The following DYNC1I2 variants were observed in gnomAD, a reference collection of about 807,000 sequenced individuals.
DYNC1I2 encodes the protein cytoplasmic dynein 1 intermediate chain 2.
DYNC1I2 carries 53 observed loss-of-function variants against 88.6 expected under a neutral mutation model. That is an observed-to-expected ratio of 0.60 (90% CI 0.48 to 0.75). The LOEUF (loss-of-function observed/expected upper bound fraction) is 0.75. Among genes scored for constraint, DYNC1I2 ranks in the 30% least tolerant of loss-of-function variants. The pLI, the probability that DYNC1I2 is intolerant of heterozygous loss-of-function variation, is 0.00. For missense variants in DYNC1I2, 458 were observed against 766.6 expected, an observed-to-expected ratio of 0.60 and a Z score of 4.75; for synonymous variants, 198 against 254.6, an observed-to-expected ratio of 0.78 and a Z score of 2.12.
At chr2:171,696,605 T>A (rs577995109) in intron 3 of DYNC1I2, among the ~76,000 whole-genome samples, 1 of 152,352 alleles carries the variant, frequency 6.6e-6, no homozygotes, top group African/African-American at 2.4e-5. Flanking sequence ...GTTATATTTT[T>A]AAAAATAGTA....
chr2:171,703,914 C>A (rs1328697326), intron 3 of DYNC1I2, among the ~76,000 whole-genome samples: 2 of 152,180 alleles, frequency 1.3e-5, no homozygotes, highest in African/African-American at 4.8e-5. Flanking sequence ...TCACTCCTTC[C>A]ATTTCACAGT....
At chr2:171,713,151 A>G (rs980673379) in intron 6 of DYNC1I2, among the ~76,000 whole-genome samples, 12 of 152,122 alleles carry the variant, frequency 7.9e-5, no homozygotes, top group African/African-American at 2.9e-4. Flanking sequence ...GGGTTACTTG[A>G]TATGAATATT....
At chr2:171,742,105 A>T (rs951434643) in intron 15 of DYNC1I2, among the ~76,000 whole-genome samples, 2 of 151,106 alleles carry the variant, frequency 1.3e-5, no homozygotes, top group Admixed American at 1.3e-4. Context: ...TTTACTTTCC[A>T]TTTAGATCTG....
At position 171,735,756 on chromosome 2, in the gene DYNC1I2, TC is replaced by T. The variant is rs762390707; in HGVS notation, c.1536+5904del. Among the ~76,000 whole-genome samples the T allele has an allele frequency of 3.9e-5, 6 of 152,186 alleles. No individual in the cohort carries two copies. The East Asian group carries it at 9.6e-4, about 24-fold the overall frequency. On this transcript the variant is annotated intron_variant, in intron 15 of 17. Coordinates refer to ENST00000397119, the MANE Select transcript of DYNC1I2 (RefSeq NM_001378.3). The stretch of plus-strand genomic sequence containing the variant: ...AAAGCTTCTGCAGGGTAACAAGGAT[TC>T]TAGAAGAGTTTGATTATGGGTAGAC...
chr2:171,726,803 C>A lies in DYNC1I2; in HGVS notation c.883C>A (p.Leu295Ile), dbSNP rs1382383216. ...LDWSSQYPEL[L>I]VASYNNNEDA... ...TTCTTCTGAGCAGTATCCGGAGTTA[C>A]TCGTGGCTTCCTATAACAACAATGA... Residue 295 changes from leucine to isoleucine, a missense_variant, in exon 11 of 18, where the codon CTC (leucine) becomes ATC (isoleucine). Physicochemically the swap from Leu to Ile is conservative, Grantham distance 5. Transcript: ENST00000397119. 6.2e-7 allele frequency: 1 copy of A among 1,613,016 alleles called. No homozygotes were observed.
intron 5 of DYNC1I2, 116 bp downstream of exon 5, chr2:171,707,493 A>T: frequency 1.2e-6 from 1 of 838,506 alleles, no homozygotes; most frequent in Non-Finnish European, 1.7e-6. Context: ...ACATTTTAAA[A>T]TCTAAAATGG....
chr2:171,690,580 T>C (rs908039608), intron 2 of DYNC1I2, among the ~76,000 whole-genome samples: 4 of 152,068 alleles, frequency 2.6e-5, no homozygotes, highest in African/African-American at 9.7e-5. Context: ...TTATTAAAGT[T>C]CAATTTACAA....
intron 3 of DYNC1I2, among the ~76,000 whole-genome samples, chr2:171,700,212 T>C (rs1686142408): frequency 6.6e-6 from 1 of 152,180 alleles, no homozygotes; most frequent in Non-Finnish European, 1.5e-5. Flanking sequence ...CCCATCCTCG[T>C]GGGCCACTCC....
chr2:171,721,078 G>A (rs1687866918), intron 7 of DYNC1I2, among the ~76,000 whole-genome samples: 1 of 130,762 alleles, frequency 7.6e-6, no homozygotes, highest in South Asian at 2.4e-4. Context: ...CTAGAGCCCA[G>A]GAGTTTGAGG....
At chr2:171,697,419 G>A (rs771362819) in intron 3 of DYNC1I2, among the ~76,000 whole-genome samples, 7 of 152,262 alleles carry the variant, frequency 4.6e-5, no homozygotes, top group Non-Finnish European at 8.8e-5. Flanking sequence ...TTTGTAGACT[G>A]TCTCCCCTCC....
At chr2:171,702,818 T>A (rs1249724353) in intron 3 of DYNC1I2, among the ~76,000 whole-genome samples, 2 of 152,052 alleles carry the variant, frequency 1.3e-5, no homozygotes, top group African/African-American at 4.8e-5. Flanking sequence ...GCTCAAGCAG[T>A]ACTTTCACCT....
rs1464390224 is a variant in DYNC1I2, at chr2:171,697,063, C to T, written c.226+4169C>T. 3.9e-5 allele frequency among the ~76,000 whole-genome samples: 6 copies of T among 152,184 alleles called. No homozygotes were observed. In the South Asian group the frequency reaches 1.2e-3, roughly 32 times the overall value. ...TCACCTCGGCTGGAATGCAGTGGTG[C>T]AACCATGGCTTGTTATAGCCTCAAC... is the stretch of plus-strand genomic sequence containing the variant. On this transcript the variant is annotated intron_variant, in intron 3 of 17. Transcript: ENST00000397119.
intron 7 of DYNC1I2, among the ~76,000 whole-genome samples, chr2:171,724,416 G>A (rs552942324): frequency 1.8e-4 from 27 of 152,278 alleles, no homozygotes; most frequent in Admixed American, 8.5e-4. Flanking sequence ...ATTGGGGAGA[G>A]ACACAGGATT....
chr2:171,732,949 C>T (rs1341966481), intron 15 of DYNC1I2, among the ~76,000 whole-genome samples: 1 of 152,076 alleles, frequency 6.6e-6, no homozygotes, highest in East Asian at 1.9e-4. Flanking sequence ...AGGTATTAAG[C>T]CTACTATCCA....
At chr2:171,741,087 T>C (rs571263541) in intron 15 of DYNC1I2, among the ~76,000 whole-genome samples, 24 of 152,288 alleles carry the variant, frequency 1.6e-4, no homozygotes, top group African/African-American at 5.8e-4. Context: ...TCTCTCACTT[T>C]GCATAATGTT....
At position 171,707,319 on chromosome 2, in the gene DYNC1I2, G is replaced by C; in HGVS notation, c.277G>C (p.Val93Leu). The C allele has an allele frequency of 1.9e-6, 3 of 1,613,826 alleles. 1 individual carries two copies. The highest frequency in any genetic ancestry group is 8.5e-7 in the Non-Finnish European group (1 of 1,179,810). Residue 93 changes from valine to leucine, a missense_variant, in exon 5 of 18, where the codon GTG becomes CTG. By Grantham distance (32) the Val-to-Leu change is conservative. This residue lies in a region of DYNC1I2 where 203 missense variants were observed against 354.2 expected (regional missense o/e 0.57). Coordinates refer to ENST00000397119, the MANE Select transcript of DYNC1I2 (RefSeq NM_001378.3). Reference sequence around the variant, plus strand: ...TCCTATGTCTCCATCCTCCAAATCTGTGAGCACTCCAAGTGAAGCTGGAAG... The same window carrying C: ...TCCTATGTCTCCATCCTCCAAATCTCTGAGCACTCCAAGTGAAGCTGGAAG... ...PPPMSPSSKS[V>L]STPSEAGSQD... is the part of the protein sequence containing the mutation.
intron 15 of DYNC1I2, among the ~76,000 whole-genome samples, chr2:171,735,785 G>T (rs901589950): frequency 1.3e-5 from 2 of 152,136 alleles, no homozygotes; most frequent in African/African-American, 4.8e-5. Flanking sequence ...GGGTAGACCT[G>T]GTAGATTCAC....
chr2:171,708,604 A>G (rs942423497), intron 5 of DYNC1I2, among the ~76,000 whole-genome samples: 1 of 152,106 alleles, frequency 6.6e-6, no homozygotes, highest in East Asian at 1.9e-4. Context: ...GAATAAAGAC[A>G]ATTTGTCTAG....
In DYNC1I2 at chr2:171,707,308, C is replaced by G. The variant is rs753231917; in HGVS notation, c.266C>G (p.Ser89Cys). 2.0e-5 allele frequency: 33 copies of G among 1,613,716 alleles called. No individual in the cohort carries two copies. Among genetic ancestry groups the G allele is most frequent in the Non-Finnish European group, 2.4e-5 (28 of 1,179,740 alleles). The change falls in exon 5 of 18, where the codon TCC (serine) becomes TGC (cysteine). Residue 89 changes from serine (S) to cysteine (C), a missense_variant. Coordinates refer to ENST00000397119, the MANE Select transcript of DYNC1I2 (RefSeq NM_001378.3). Reference protein sequence around the residue: ...EYWVPPPMSPSSKSVSTPSEA... With the variant: ...EYWVPPPMSPCSKSVSTPSEA... ...TTAGTCCCTCCTCCTATGTCTCCATCCTCCAAATCTGTGAGCACTCCAAGT... is the reference window on the plus strand; with the variant it reads ...TTAGTCCCTCCTCCTATGTCTCCATGCTCCAAATCTGTGAGCACTCCAAGT...
Sources: gnomAD v4.1 joint callset for allele counts (sites outside exome capture counted in the v4.1 genomes callset) on GRCh38, gnomAD v4.1.1 for gene constraint, gnomAD v4.1.1 regional missense constraint, MANE v1.5 for transcripts, NCBI Gene and HGNC (gene_info 2026-07-23, HGNC 2026-07-21) for gene names.